Variants in LONP1 observed in about 807,000 individuals in gnomAD.
LONP1 encodes the protein lon protease homolog, mitochondrial.
LONP1 carries 31 observed loss-of-function variants against 98.5 expected under a neutral mutation model. The observed-to-expected ratio is 0.31, with a 90% CI of 0.24 to 0.42. LONP1 has a LOEUF of 0.42. LONP1 is among the 20% of genes least tolerant of loss of function. The pLI is 1.00. For missense variants in LONP1, 1,336 were observed against 1,350.6 expected (o/e 0.99, Z 0.17); for synonymous variants, 781 against 594.7 (o/e 1.31, Z -4.56).
chr19:5,714,310 A>T, intron 1 of LONP1, 39 bp from the exon 2 acceptor site: 5 of 1,360,396 alleles, frequency 3.7e-6, no homozygotes, highest in East Asian at 2.5e-5. Context: ...TGCAGAGTAG[A>T]TTTTTTTTTT....
At chr19:5,694,599 G>T in intron 14 of LONP1, 47 bp from the exon 15 acceptor site, 2 of 1,562,890 alleles carry the variant, frequency 1.3e-6, no homozygotes, top group Admixed American at 1.7e-5. Flanking sequence ...TGGGGTGACA[G>T]GTGCGGGGTG....
chr19:5,707,288 T>C, intron 6 of LONP1, 145 bp from the exon 7 acceptor site: 1 of 678,884 alleles, frequency 1.5e-6, no homozygotes, highest in East Asian at 2.7e-5. Context: ...ATGTGTGCCC[T>C]CTGCCCCAAC....
chr19:5,693,299 G>A lies in LONP1; in HGVS notation c.2702C>T (p.Ala901Val), dbSNP rs562878082. 9.9e-6 allele frequency: 16 copies of A among 1,609,898 alleles called. No homozygotes were observed. Among genetic ancestry groups the A allele is most frequent in the East Asian group, 2.2e-5 (1 of 44,714 alleles). ...TGGGGTGGGTACAGGGACACTCACCGCAATGGTCTTCTCCTTGATGCCACC... is the reference window on the plus strand; with the variant it reads ...TGGGGTGGGTACAGGGACACTCACCACAATGGTCTTCTCCTTGATGCCACC... ...PVGGIKEKTIAAKRAGVTCIV... is the reference protein window; with the variant it reads ...PVGGIKEKTIVAKRAGVTCIV... The change falls in exon 17 of 18, where the codon GCG becomes GTG. Residue 901 changes from alanine to valine, a missense_variant and splice_region_variant. Physicochemically the swap from Ala to Val is moderately conservative, Grantham distance 64. Transcript: ENST00000360614.
Position 5,692,063 on chromosome 19 carries a change from T to C in LONP1, c.2849A>G (p.Glu950Gly). 6.2e-7 allele frequency: 1 copy of C among 1,605,384 alleles called. No homozygotes were observed. The highest frequency in any genetic ancestry group is 1.3e-5 in the African/African-American group (1 of 74,546). ...REIFDIAFPD[E>G]QAEALAVER is the part of the protein sequence containing the mutation. ...TTCCACGGCCAGCGCCTCTGCCTGCTCGTCCGGGAAGGCGATGTCGAAGAT... is the reference window on the plus strand; with the variant it reads ...TTCCACGGCCAGCGCCTCTGCCTGCCCGTCCGGGAAGGCGATGTCGAAGAT... Residue 950 changes from glutamate (E) to glycine (G), a missense_variant, in exon 18 of 18, where the codon GAG (glutamate) becomes GGG (glycine). Physicochemically the swap from Glu to Gly is moderately conservative, Grantham distance 98. Transcript: ENST00000360614.
chr19:5,694,440 A>G lies in LONP1; in HGVS notation c.2267T>C (p.Met756Thr), dbSNP rs1191982587. The part of the protein sequence containing the change: ...VGKPVFTVER[M>T]YDVTPPGVVM... ...CACGCCGGGCGGTGTCACGTCATAC[A>G]TGCGCTCCACGGTGAACACGGGCTT... is the stretch of plus-strand genomic sequence containing the variant. Residue 756 changes from methionine (M) to threonine (T), a missense_variant, in exon 15 of 18, where the codon ATG (methionine) becomes ACG (threonine). This residue lies in a region of LONP1 where 555 missense variants were observed against 542.6 expected (regional missense o/e 1.02). Coordinates refer to ENST00000360614, the MANE Select transcript of LONP1 (RefSeq NM_004793.4). The G allele has an allele frequency of 6.2e-7, 1 of 1,613,200 alleles. No homozygotes were observed. The highest frequency in any genetic ancestry group is 8.5e-7 in the Non-Finnish European group (1 of 1,179,998).
intron 10 of LONP1, among the ~76,000 whole-genome samples, chr19:5,696,999 T>C (rs2054943754): frequency 6.6e-6 from 1 of 152,084 alleles, no homozygotes; most frequent in Admixed American, 6.5e-5. Flanking sequence ...TCTCCCTCAG[T>C]CCCATCCCTC....
In LONP1 at chr19:5,696,236, A is replaced by G; in HGVS notation, c.1896+13T>C. 1 of 1,613,002 alleles carries G rather than the reference A, an allele frequency of 6.2e-7. No individual in the cohort carries two copies. The highest frequency in any genetic ancestry group is 8.5e-7 in the Non-Finnish European group (1 of 1,179,768). On this transcript the variant is annotated intron_variant, in intron 12 of 17. Transcript: ENST00000360614. ...CCTCCCCAGCAAGCCCAGGCCCCAG[A>G]CAGGCCCCCCACCTTGGACAAGTCC...
chr19:5,698,976 G>T, intron 10 of LONP1, 51 bp downstream of exon 10: 2 of 1,522,018 alleles, frequency 1.3e-6, no homozygotes, highest in South Asian at 1.2e-5. Context: ...GACGAAGCCC[G>T]GCAGCACAGC....
intron 4 of LONP1, among the ~76,000 whole-genome samples, chr19:5,709,281 G>A (rs1328024508): frequency 6.6e-5 from 10 of 151,276 alleles, no homozygotes; most frequent in Admixed American, 6.6e-4. Flanking sequence ...TTGAGGCCAG[G>A]AGCTCAAGAC....
At chr19:5,692,326 A>G (rs1024329780) in intron 17 of LONP1, 118 bp from the exon 18 acceptor site, 5 of 1,043,438 alleles carry the variant, frequency 4.8e-6, no homozygotes, top group Non-Finnish European at 6.9e-6. Context: ...GCCGGGTTCT[A>G]AGCAGTAAGT....
intron 9 of LONP1, 59 bp from the exon 10 acceptor site, chr19:5,699,264 T>C: frequency 2.2e-6 from 3 of 1,377,050 alleles, no homozygotes; most frequent in South Asian, 3.0e-5. Context: ...GACCCGCGCA[T>C]GACTCTCGCC....
intron 11 of LONP1, 148 bp downstream of exon 11, chr19:5,696,522 G>A (rs544843800): frequency 3.8e-6 from 5 of 1,307,746 alleles, no homozygotes; most frequent in Non-Finnish European, 5.3e-6. Flanking sequence ...CGTGGCTGTG[G>A]GTGGGAGGGA....
intron 8 of LONP1, among the ~76,000 whole-genome samples, chr19:5,701,554 A>G (rs1422301265): frequency 6.6e-6 from 1 of 151,944 alleles, no homozygotes; most frequent in Admixed American, 6.6e-5. Context: ...GCTGGTCTCC[A>G]GGTCCTAACC....
chr19:5,701,325 T>C (rs1198012394), intron 8 of LONP1, among the ~76,000 whole-genome samples: 2 of 152,048 alleles, frequency 1.3e-5, no homozygotes, highest in Admixed American at 6.6e-5. Flanking sequence ...GCCCTCTGCC[T>C]CTCCCCTTTC....
chr19:5,700,323 G>C (rs1389296510), intron 9 of LONP1, among the ~76,000 whole-genome samples: 2 of 152,134 alleles, frequency 1.3e-5, no homozygotes, highest in Non-Finnish European at 2.9e-5. Flanking sequence ...ATGTTGGTCA[G>C]GCTGGTCTTC....
intron 17 of LONP1, 135 bp from the exon 18 acceptor site, chr19:5,692,343 A>C: frequency 1.3e-6 from 1 of 783,342 alleles, no homozygotes; most frequent in Non-Finnish European, 1.9e-6. Context: ...AAGTCCCAAA[A>C]CCCACCAGGG....
At chr19:5,700,754 A>G (rs1346268686) in intron 9 of LONP1, 35 bp downstream of exon 9, 1 of 1,612,052 alleles carries the variant, frequency 6.2e-7, no homozygotes, top group Non-Finnish European at 8.5e-7. Flanking sequence ...GGGCACCCAC[A>G]TGCAAATCCA....
At chr19:5,700,989 G>A (rs867481778) in intron 8 of LONP1, 62 bp from the exon 9 acceptor site, 3 of 1,599,406 alleles carry the variant, frequency 1.9e-6, no homozygotes, top group Middle Eastern at 3.3e-4. Context: ...CTCTCTGCTG[G>A]ACTTGGCTGG....
intron 8 of LONP1, among the ~76,000 whole-genome samples, chr19:5,703,414 C>T (rs1023956946): frequency 2.6e-5 from 4 of 151,960 alleles, no homozygotes; most frequent in African/African-American, 7.3e-5. Flanking sequence ...GGGAGAGTGA[C>T]GCTGAAGGTT....
Sources: allele counts gnomAD v4.1 joint callset (sites outside exome capture counted in the v4.1 genomes callset), GRCh38; gene constraint gnomAD v4.1.1; regional missense constraint gnomAD v4.1.1; transcripts MANE v1.5; gene names NCBI Gene and HGNC (gene_info 2026-07-23, HGNC 2026-07-21).